MYO5C: variants seen among roughly 807,000 people sequenced by gnomAD.
MYO5C encodes unconventional myosin-Vc.
A neutral mutation model predicts 235.7 loss-of-function variants in MYO5C; 194 were observed. That is an observed-to-expected ratio of 0.82 (90% CI 0.73 to 0.93). The LOEUF is 0.93. Ranked by LOEUF, MYO5C falls within the 40% of genes least tolerant of loss-of-function variation. MYO5C has a pLI of 0.00. For missense variants in MYO5C, 2,038 were observed against 2,127.2 expected, an observed-to-expected ratio of 0.96 and a Z score of 0.82; for synonymous variants, 707 against 754.8, an observed-to-expected ratio of 0.94 and a Z score of 1.04.
intron 14 of MYO5C, 54 bp from the exon 15 acceptor site, chr15:52,247,646 A>T: frequency 6.3e-7 from 1 of 1,591,418 alleles, no homozygotes; most frequent in Non-Finnish European, 8.5e-7. Flanking sequence ...CACAGTACTC[A>T]CTCATACAAG....
At chr15:52,260,434 A>C (rs1566983912) in intron 10 of MYO5C, among the ~76,000 whole-genome samples, 1 of 152,218 alleles carries the variant, frequency 6.6e-6, no homozygotes, top group Non-Finnish European at 1.5e-5. Flanking sequence ...TCCACACCTC[A>C]GGGGCCTTTG....
chr15:52,278,910 A>G lies in MYO5C; in HGVS notation c.412T>C (p.Phe138Leu). The G allele has an allele frequency of 6.2e-7, 1 of 1,614,098 alleles. No individual in the cohort carries two copies. The highest frequency in any genetic ancestry group is 8.5e-7 in the Non-Finnish European group (1 of 1,179,998). The change falls in exon 4 of 41, where the codon TTT becomes CTT. Residue 138 changes from phenylalanine (F) to leucine (L), a missense_variant. Phe to Leu is a conservative substitution (Grantham distance 22, BLOSUM62 0). Coordinates refer to ENST00000261839, the MANE Select transcript of MYO5C (RefSeq NM_018728.4). ...TTGTATGCCTCTTCTGCCACGGCAAATATGTGTGGGTCCATATCGCCCATG... is the reference window on the plus strand; with the variant it reads ...TTGTATGCCTCTTCTGCCACGGCAAGTATGTGTGGGTCCATATCGCCCATG... ...QNMGDMDPHI[F>L]AVAEEAYKQM...
chr15:52,295,526 G>A lies in MYO5C; in HGVS notation c.27+84C>T. 10 of 1,456,688 alleles carry A rather than the reference G, an allele frequency of 6.9e-6. No homozygotes were observed. The Admixed American group carries it at 1.4e-4, about 21-fold the overall frequency. 90.2% of individuals were successfully genotyped at this position (1,456,688 alleles called of 1,614,324 possible). On this transcript the variant is annotated intron_variant, in intron 1 of 40. Transcript: ENST00000261839. ...CGTGTCAGGTGCGCAGGTGTGGCAG[G>A]TGTGGCCCGGGCGCCAGGTCGAGTC... is the stretch of plus-strand genomic sequence containing the variant.
At position 52,205,159 on chromosome 15, in the gene MYO5C, C is replaced by A. The variant is rs756682416; in HGVS notation, c.4538-12G>T. The A allele has an allele frequency of 1.2e-6, 2 of 1,611,676 alleles. No homozygotes were observed. Among genetic ancestry groups the A allele is most frequent in the South Asian group, 1.1e-5 (1 of 91,026 alleles). On this transcript the variant is annotated splice_polypyrimidine_tract_variant and intron_variant, in intron 37 of 40. Transcript: ENST00000261839. ...CAGCATTCCCGGAACTGCGGAGAGA[C>A]AGGGAGGCTGTGCTGACACGCCAGG...
chr15:52,272,369 C>A (rs1323682984), intron 6 of MYO5C, among the ~76,000 whole-genome samples: 2 of 152,122 alleles, frequency 1.3e-5, no homozygotes, highest in Admixed American at 1.3e-4. Flanking sequence ...AGTCATTAAC[C>A]TTTTCCTGCA....
intron 35 of MYO5C, among the ~76,000 whole-genome samples, chr15:52,210,529 AAG>A (rs376465109): frequency 7.9e-5 from 12 of 151,970 alleles, no homozygotes; most frequent in African/African-American, 1.7e-4. Flanking sequence ...TTCCTAGAAA[AAG>A]AGAGAGAGAG....
chr15:52,219,341 T>C (rs2035626238), intron 31 of MYO5C, among the ~76,000 whole-genome samples: 1 of 152,230 alleles, frequency 6.6e-6, no homozygotes, highest in African/African-American at 2.4e-5. Context: ...ACATGGGCTT[T>C]TAATTCTTAC....
At chr15:52,236,748 C>T (rs2141311471) in intron 22 of MYO5C, 1 of 152,322 alleles carries the variant, frequency 6.6e-6, no homozygotes, top group South Asian at 2.1e-4. Context: ...CACACTAGCT[C>T]ACACTTTTGC....
intron 24 of MYO5C, among the ~76,000 whole-genome samples, chr15:52,232,328 G>GGAAGGAAA (rs1491544929): frequency 0.28 from 5,157 of 18,662 alleles, 1,940 homozygotes; most frequent in East Asian, 0.34. Flanking sequence ...AAGGAAGGAA[G>GGAAGGAAA]GAGAGAAAGA....
At chr15:52,215,425 G>T (rs2035530474) in intron 32 of MYO5C, among the ~76,000 whole-genome samples, 1 of 152,210 alleles carries the variant, frequency 6.6e-6, no homozygotes, top group Admixed American at 6.5e-5. Context: ...GACACATATA[G>T]AATTCAGGCT....
At chr15:52,274,679 C>G (rs903081959) in intron 5 of MYO5C, among the ~76,000 whole-genome samples, 15 of 148,672 alleles carry the variant, frequency 1.0e-4, no homozygotes, top group African/African-American at 3.5e-4. Flanking sequence ...TACCCCCCCC[C>G]CGACATATGT....
intron 10 of MYO5C, among the ~76,000 whole-genome samples, chr15:52,258,076 C>T (rs2036620060): frequency 6.6e-6 from 1 of 152,172 alleles, no homozygotes; most frequent in Non-Finnish European, 1.5e-5. Flanking sequence ...CTCTGCAGCT[C>T]ACAGCTGGGG....
At chr15:52,226,968 T>C (rs2035837866) in intron 25 of MYO5C, among the ~76,000 whole-genome samples, 1 of 151,888 alleles carries the variant, frequency 6.6e-6, no homozygotes, top group Admixed American at 6.6e-5. Flanking sequence ...GCCAACATGG[T>C]GAAACCCTGT....
At chr15:52,213,131 A>C in intron 34 of MYO5C, 57 bp downstream of exon 34, 1 of 1,327,970 alleles carries the variant, frequency 7.5e-7, no homozygotes, top group Non-Finnish European at 1.1e-6. Flanking sequence ...TTTGGCACTG[A>C]CTGATATGCA....
At chr15:52,208,824 A>T (rs1180976643) in intron 35 of MYO5C, among the ~76,000 whole-genome samples, 181 bp from the exon 36 acceptor site, 1 of 152,192 alleles carries the variant, frequency 6.6e-6, no homozygotes, top group Non-Finnish European at 1.5e-5. Flanking sequence ...CACAGTTTGT[A>T]ACATGTTTCT....
At position 52,275,552 on chromosome 15, in the gene MYO5C, T is replaced by C. The variant is rs2037026025; in HGVS notation, c.606+10A>G. 2 of 1,614,108 alleles carry C rather than the reference T, an allele frequency of 1.2e-6. No individual in the cohort carries two copies. Among genetic ancestry groups the C allele is most frequent in the Non-Finnish European group, 1.7e-6 (2 of 1,179,962 alleles). On this transcript the variant is annotated intron_variant, in intron 5 of 40. Coordinates refer to ENST00000261839, the MANE Select transcript of MYO5C (RefSeq NM_018728.4). ...ACCAACACCCAGCTGCCTTCCGCAG[T>C]GGTACGCACCTCGGTGATGGGATTG...
At position 52,232,227 on chromosome 15, in the gene MYO5C, AAAG is replaced by A. The variant is rs1237875868; in HGVS notation, c.3026+392_3026+394del. Among the ~76,000 whole-genome samples the A allele has an allele frequency of 7.8e-5, 5 of 64,314 alleles. 1 individual carries two copies. The highest frequency in any genetic ancestry group is 1.7e-4 in the African/African-American group (5 of 28,574). 42.2% of individuals were successfully genotyped at this position (64,314 alleles called of 152,430 possible). A position where few individuals can be genotyped will look rare whatever the true frequency, so the allele number is the denominator to read the frequency against. On this transcript the variant is annotated intron_variant, in intron 24 of 40. Transcript: ENST00000261839. ...GGAAGGAAAAGAAAGAAAATGAAAG[AAAG>A]AAGAAAGAAAGAAGGAAGGAGAGAA... is the stretch of plus-strand genomic sequence containing the variant.
At chr15:52,236,457 T>C (rs2036087262) in intron 22 of MYO5C, among the ~76,000 whole-genome samples, 1 of 152,160 alleles carries the variant, frequency 6.6e-6, no homozygotes, top group African/African-American at 2.4e-5. Context: ...GGTGGATCAC[T>C]GGAGGTCAGG....
At chr15:52,234,319 G>A (rs140988692) in intron 23 of MYO5C, among the ~76,000 whole-genome samples, 21 of 152,274 alleles carry the variant, frequency 1.4e-4, no homozygotes, top group African/African-American at 4.3e-4. Flanking sequence ...CGGGGGAGGC[G>A]CACAGGATAA....
Sources: allele counts gnomAD v4.1 joint callset (sites outside exome capture counted in the v4.1 genomes callset), GRCh38; gene constraint gnomAD v4.1.1; transcripts MANE v1.5; gene names NCBI Gene and HGNC (gene_info 2026-07-23, HGNC 2026-07-21).